The following SYT16 variants were observed in gnomAD, a reference collection of about 807,000 sequenced individuals.
SYT16 encodes synaptotagmin-16.
Under a neutral mutation model 61.4 loss-of-function variants are expected in SYT16, and 42 were observed. The ratio of observed to expected loss-of-function variants is 0.68; its 90% CI spans 0.53 to 0.89. SYT16 has a LOEUF of 0.89. Among genes scored for constraint, SYT16 ranks in the 40% least tolerant of loss-of-function variants. SYT16 has a pLI of 0.00. For missense variants in SYT16, 804 were observed against 807.3 expected, an observed-to-expected ratio of 1.00 and a Z score of 0.05; for synonymous variants, 314 against 302.3, an observed-to-expected ratio of 1.04 and a Z score of -0.40.
At chr14:61,909,053 G>A (rs1438234614) in intron 1 of SYT16, among the ~76,000 whole-genome samples, 2 of 152,074 alleles carry the variant, frequency 1.3e-5, no homozygotes, top group African/African-American at 4.8e-5. Flanking sequence ...TGAACTCCCA[G>A]TCTCCCAAAG....
At chr14:61,977,279 A>G (rs1028694994) in intron 2 of SYT16, among the ~76,000 whole-genome samples, 4 of 152,186 alleles carry the variant, frequency 2.6e-5, no homozygotes, top group African/African-American at 9.7e-5. Flanking sequence ...AAGTATCTTT[A>G]TAGCAGTACC....
chr14:61,883,172 G>A (rs901300998), intron 1 of SYT16, among the ~76,000 whole-genome samples: 1 of 152,192 alleles, frequency 6.6e-6, no homozygotes, highest in African/African-American at 2.4e-5. Flanking sequence ...ATGCCCTGGA[G>A]ACATTTTCTC....
intron 3 of SYT16, among the ~76,000 whole-genome samples, chr14:62,047,624 C>T (rs936358021): frequency 6.6e-6 from 1 of 151,396 alleles, no homozygotes; most frequent in Non-Finnish European, 1.5e-5. Context: ...TCATAGATAG[C>T]TCTTATTATT....
At chr14:61,881,502 G>C (rs1163255050) in intron 1 of SYT16, among the ~76,000 whole-genome samples, 1 of 152,152 alleles carries the variant, frequency 6.6e-6, no homozygotes, top group Non-Finnish European at 1.5e-5. Context: ...GCATCTCTAA[G>C]CATCATTTGA....
intron 3 of SYT16, among the ~76,000 whole-genome samples, chr14:62,053,071 A>G (rs540407929): frequency 3.2e-4 from 49 of 152,328 alleles, no homozygotes; most frequent in Non-Finnish European, 6.0e-4. Flanking sequence ...GAAGACGCCA[A>G]AATTGTCATG....
intron 3 of SYT16, among the ~76,000 whole-genome samples, chr14:62,006,826 G>C (rs1555369248): frequency 6.6e-6 from 1 of 152,020 alleles, no homozygotes; most frequent in Admixed American, 6.6e-5. Context: ...TTTTGAAGCT[G>C]TTTTTTAACC....
chr14:61,932,828 T>C (rs949895609), intron 1 of SYT16, among the ~76,000 whole-genome samples: 3 of 152,216 alleles, frequency 2.0e-5, no homozygotes, highest in African/African-American at 7.2e-5. Context: ...GCATTTTATA[T>C]GGCAGGGAGT....
intron 3 of SYT16, among the ~76,000 whole-genome samples, chr14:62,016,830 A>G (rs1423482274): frequency 6.6e-6 from 1 of 152,130 alleles, no homozygotes; most frequent in East Asian, 1.9e-4. Flanking sequence ...CTTTATCTCT[A>G]TTTCTGATGT....
rs535065043 is a variant in SYT16, at chr14:62,110,782, C to T, written c.*10075C>T. 6.6e-6 allele frequency: 1 copy of T among 152,174 alleles called. No individual in the cohort carries two copies. Among genetic ancestry groups the T allele is most frequent in the African/African-American group, 2.4e-5 (1 of 41,570 alleles). The allele number at this position is 152,174 out of a possible 1,614,324, so 9.4% of individuals were successfully genotyped here. On this transcript the variant is annotated 3_prime_UTR_variant, in exon 8 of 8. Transcript: ENST00000683842. ...CTTTAGAACAACCTAACTTTGAGTACAGGCAAAGTATTAAATGGAATAGCT... is the reference window on the plus strand; with the variant it reads ...CTTTAGAACAACCTAACTTTGAGTATAGGCAAAGTATTAAATGGAATAGCT...
chr14:61,921,288 T>C (rs1256713690), intron 1 of SYT16, among the ~76,000 whole-genome samples: 1 of 152,186 alleles, frequency 6.6e-6, no homozygotes, highest in Non-Finnish European at 1.5e-5. Flanking sequence ...CTTCCCCTCC[T>C]GCCCGGGGTG....
At chr14:62,041,082 C>T (rs1407096646) in intron 3 of SYT16, among the ~76,000 whole-genome samples, 1 of 152,164 alleles carries the variant, frequency 6.6e-6, no homozygotes, top group Non-Finnish European at 1.5e-5. Context: ...GGGCAGGAAG[C>T]ATCCGGCATG....
chr14:61,989,937 G>A (rs990704420), intron 2 of SYT16, among the ~76,000 whole-genome samples: 2 of 152,180 alleles, frequency 1.3e-5, no homozygotes, highest in Non-Finnish European at 2.9e-5. Context: ...GTGACAATAT[G>A]GCTGTACTGT....
intron 1 of SYT16, among the ~76,000 whole-genome samples, chr14:61,913,017 TC>T (rs1277227229): frequency 2.0e-5 from 3 of 152,172 alleles, no homozygotes; most frequent in African/African-American, 7.2e-5. Flanking sequence ...TGGTCCTTCT[TC>T]ATTTCATCCA....
intron 1 of SYT16, chr14:61,865,268 T>C: frequency 2.4e-6 from 2 of 825,882 alleles, no homozygotes; most frequent in Non-Finnish European, 4.1e-6. Context: ...GGTGAGCATC[T>C]GTCTTTTGCC....
chr14:61,961,994 T>C (rs998090375), intron 1 of SYT16, among the ~76,000 whole-genome samples: 1 of 152,160 alleles, frequency 6.6e-6, no homozygotes, highest in African/African-American at 2.4e-5. Context: ...GAGGCCATTA[T>C]CCTAAGTAAA....
At chr14:62,007,493 G>T (rs991738380) in intron 3 of SYT16, among the ~76,000 whole-genome samples, 2 of 152,108 alleles carry the variant, frequency 1.3e-5, no homozygotes, top group African/African-American at 4.8e-5. Context: ...TTTAGCAAGG[G>T]TAGATATTAA....
In SYT16 at chr14:62,033,190, AAAGT is replaced by A. The variant is rs1260838862; in HGVS notation, c.524-36407_524-36404del. On this transcript the variant is annotated intron_variant, in intron 3 of 7. Transcript: ENST00000683842. ...ATCTTAAAAACCATAGGACAGTTGAAAAGTAAGTATATAGCTATTTTATAAATCA... is the reference window on the plus strand; with the variant it reads ...ATCTTAAAAACCATAGGACAGTTGAAAAGTATATAGCTATTTTATAAATCA... 2.0e-5 allele frequency among the ~76,000 whole-genome samples: 3 copies of A among 151,742 alleles called. No individual in the cohort carries two copies. In the East Asian group the frequency reaches 5.8e-4, roughly 29 times the overall value.
chr14:61,848,106 A>G (rs1275841622), intron 1 of SYT16, among the ~76,000 whole-genome samples: 1 of 152,144 alleles, frequency 6.6e-6, no homozygotes, highest in Non-Finnish European at 1.5e-5. Context: ...TATGGTCTTC[A>G]TGCTTGTGGA....
At chr14:61,854,143 C>T (rs919761767) in intron 1 of SYT16, among the ~76,000 whole-genome samples, 4 of 152,026 alleles carry the variant, frequency 2.6e-5, no homozygotes, top group African/African-American at 9.7e-5. Context: ...CACATGTATA[C>T]ATGTATATAT....
Sources: gnomAD v4.1 joint callset for allele counts (sites outside exome capture counted in the v4.1 genomes callset) on GRCh38, gnomAD v4.1.1 for gene constraint, MANE v1.5 for transcripts, NCBI Gene and HGNC (gene_info 2026-07-23, HGNC 2026-07-21) for gene names.